The following RPS6KC1 variants were observed in gnomAD, a reference collection of about 807,000 sequenced individuals.
RPS6KC1 encodes the protein ribosomal protein S6 kinase C1.
Under a neutral mutation model 103.8 loss-of-function variants are expected in RPS6KC1, and 54 were observed. That is an observed-to-expected ratio of 0.52 (90% CI 0.42 to 0.65). RPS6KC1 has a LOEUF of 0.65. RPS6KC1 is among the 30% of genes least tolerant of loss of function. The probability of loss-of-function intolerance (pLI) is 0.00; values close to 1 mark genes in which losing one functional copy is unlikely to be tolerated. For synonymous variants in RPS6KC1, 439 were observed against 438.7 expected, an observed-to-expected ratio of 1.00 and a Z score of -0.01; for missense variants, 1,151 against 1,253.8, an observed-to-expected ratio of 0.92 and a Z score of 1.24.
the RPS6KC1 span, among the ~76,000 whole-genome samples, chr1:213,538,771 G>A: frequency 1.3e-5 from 2 of 152,104 alleles, no homozygotes; most frequent in Non-Finnish European, 2.9e-5. Context: ...TTTTACTGGG[G>A]GAGATAGATA....
the RPS6KC1 span, among the ~76,000 whole-genome samples, chr1:213,767,848 A>T: frequency 3.7e-4 from 56 of 152,276 alleles, 1 homozygote; most frequent in Admixed American, 3.1e-3. Flanking sequence ...TGTTCTTCCC[A>T]TTAACTACAT....
the RPS6KC1 span, among the ~76,000 whole-genome samples, chr1:213,559,626 T>C: frequency 3.3e-5 from 5 of 152,160 alleles, no homozygotes; most frequent in Non-Finnish European, 5.9e-5. Context: ...ACAAAACATC[T>C]GTAGGACAAA....
At chr1:213,812,126 T>G in the RPS6KC1 span, among the ~76,000 whole-genome samples, 3 of 151,986 alleles carry the variant, frequency 2.0e-5, no homozygotes, top group African/African-American at 7.3e-5. Context: ...TGGGATGCCC[T>G]TCTTTACTCT....
chr1:213,206,901 A>G (rs981725267), intron 8 of RPS6KC1, among the ~76,000 whole-genome samples: 8 of 152,160 alleles, frequency 5.3e-5, no homozygotes, highest in Non-Finnish European at 1.0e-4. Flanking sequence ...TCACGAGGTC[A>G]GGAGTTTGAG....
chr1:213,428,441 C>CATCCCTCCCTCCCTCCCTCT, the RPS6KC1 span, among the ~76,000 whole-genome samples: 1 of 92,990 alleles, frequency 1.1e-5, no homozygotes, highest in African/African-American at 3.6e-5. Context: ...TCCCTCCCTC[C>CATCCCTCCCTCCCTCCCTCT]ATCCCTCCCT....
chr1:213,606,635 C>T, the RPS6KC1 span, among the ~76,000 whole-genome samples: 1 of 152,180 alleles, frequency 6.6e-6, no homozygotes, highest in Non-Finnish European at 1.5e-5. Flanking sequence ...AGTTTCAAGG[C>T]AACGAGCCAA....
chr1:213,568,892 C>T, the RPS6KC1 span, among the ~76,000 whole-genome samples: 1 of 152,222 alleles, frequency 6.6e-6, no homozygotes, highest in Non-Finnish European at 1.5e-5. Flanking sequence ...GAGGCAGACT[C>T]TGCAAATTGT....
the RPS6KC1 span, among the ~76,000 whole-genome samples, chr1:213,321,364 A>G: frequency 3.8e-4 from 58 of 152,306 alleles, 2 homozygotes; most frequent in South Asian, 0.012. Context: ...ATCCCATGAG[A>G]AGAACCACTG....
At chr1:213,338,856 C>T in the RPS6KC1 span, among the ~76,000 whole-genome samples, 448 of 150,886 alleles carry the variant, frequency 3.0e-3, 2 homozygotes, top group African/African-American at 0.011. Context: ...CCTCTTGTGT[C>T]AGCAAGTAGC....
At chr1:213,337,270 A>C in the RPS6KC1 span, among the ~76,000 whole-genome samples, 1 of 152,200 alleles carries the variant, frequency 6.6e-6, no homozygotes, top group African/African-American at 2.4e-5. Context: ...GCCAGCCTGC[A>C]TTATTTCAGC....
rs141669048 is a variant in RPS6KC1, at chr1:213,212,204, C to G, written c.1045-18293C>G. Among the ~76,000 whole-genome samples, 19 of 152,246 alleles carry G rather than the reference C, an allele frequency of 1.2e-4. 1 individual carries two copies. The East Asian group carries it at 2.1e-3, about 17-fold the overall frequency. On this transcript the variant is annotated intron_variant, in intron 8 of 14. Transcript: ENST00000366960. ...TATAATATCATACAGAGTATTTTCA[C>G]TACCCTAAAAATCTCTGTGCTCTGC...
intron 8 of RPS6KC1, chr1:213,205,132 C>A: frequency 5.7e-6 from 2 of 352,614 alleles, no homozygotes; most frequent in Non-Finnish European, 4.0e-6. Context: ...GTGTTGTATA[C>A]CTTGCTTAAT....
the RPS6KC1 span, among the ~76,000 whole-genome samples, chr1:213,443,529 T>C: frequency 2.0e-5 from 3 of 152,280 alleles, no homozygotes; most frequent in African/African-American, 7.2e-5. Context: ...ATTTTGTCTA[T>C]ATGGAAACGT....
At chr1:213,378,075 C>T in the RPS6KC1 span, among the ~76,000 whole-genome samples, 1 of 152,220 alleles carries the variant, frequency 6.6e-6, no homozygotes, top group Admixed American at 6.5e-5. Flanking sequence ...GCCCTCCACC[C>T]AGCAACCTTG....
chr1:213,717,444 A>G, the RPS6KC1 span, among the ~76,000 whole-genome samples: 1 of 152,224 alleles, frequency 6.6e-6, no homozygotes, highest in African/African-American at 2.4e-5. Context: ...AGTTAATGAG[A>G]CCTCAAAGAG....
the RPS6KC1 span, among the ~76,000 whole-genome samples, chr1:213,307,183 C>T: frequency 0.042 from 6,447 of 151,842 alleles, 198 homozygotes; most frequent in African/African-American, 0.085. Context: ...CTGCCTTAGC[C>T]TCTCCGAGTA....
the RPS6KC1 span, among the ~76,000 whole-genome samples, chr1:213,790,853 G>T: frequency 6.6e-6 from 1 of 152,150 alleles, no homozygotes; most frequent in African/African-American, 2.4e-5. Context: ...CAAACCTGAG[G>T]AGTATCTTCT....
At chr1:213,589,076 C>A in the RPS6KC1 span, among the ~76,000 whole-genome samples, 115 of 152,214 alleles carry the variant, frequency 7.6e-4, 2 homozygotes, top group South Asian at 1.5e-3. Flanking sequence ...GTGCTCTGGA[C>A]CCCCTCCCTG....
intron 8 of RPS6KC1, among the ~76,000 whole-genome samples, chr1:213,182,858 A>G (rs1029394959): frequency 6.7e-6 from 1 of 148,234 alleles, no homozygotes; most frequent in Non-Finnish European, 1.5e-5. Context: ...ATCATGATAT[A>G]TATGTATATA....
Sources: gnomAD v4.1 joint callset for allele counts (sites outside exome capture counted in the v4.1 genomes callset) on GRCh38, gnomAD v4.1.1 for gene constraint, MANE v1.5 for transcripts, NCBI Gene and HGNC (gene_info 2026-07-23, HGNC 2026-07-21) for gene names.